Variants in SPOCK1 observed in about 807,000 individuals in gnomAD.
The protein encoded by SPOCK1 is testican-1.
Under a neutral mutation model 55.3 loss-of-function variants are expected in SPOCK1, and 23 were observed. The ratio of observed to expected loss-of-function variants is 0.42; its 90% CI spans 0.30 to 0.59. The LOEUF (loss-of-function observed/expected upper bound fraction) is 0.59. SPOCK1 is among the 20% of genes least tolerant of loss of function. The probability of loss-of-function intolerance (pLI) is 0.22; values close to 1 mark genes in which losing one functional copy is unlikely to be tolerated. For synonymous variants in SPOCK1, 226 were observed against 221.0 expected (o/e 1.02, Z -0.20); for missense variants, 499 against 552.5 (o/e 0.90, Z 0.97).
At chr5:137,308,169 T>C (rs1757730835) in intron 2 of SPOCK1, among the ~76,000 whole-genome samples, 1 of 152,202 alleles carries the variant, frequency 6.6e-6, no homozygotes, top group South Asian at 2.1e-4. Flanking sequence ...CTTCAGCCAG[T>C]GCAGGGCATG....
At chr5:137,379,992 G>C (rs746057300) in intron 2 of SPOCK1, among the ~76,000 whole-genome samples, 11 of 152,174 alleles carry the variant, frequency 7.2e-5, no homozygotes, top group Non-Finnish European at 1.5e-4. Flanking sequence ...GTAAGAATTA[G>C]AATGTCAGGG....
At chr5:137,332,820 T>C (rs1478902193) in intron 2 of SPOCK1, among the ~76,000 whole-genome samples, 2 of 152,136 alleles carry the variant, frequency 1.3e-5, no homozygotes, top group South Asian at 2.1e-4. Context: ...AATGCATATA[T>C]AACAAACGTT....
chr5:137,160,548 TAA>T (rs1491187274), intron 3 of SPOCK1, among the ~76,000 whole-genome samples: 11 of 35,870 alleles, frequency 3.1e-4, no homozygotes, highest in African/African-American at 7.5e-4. Context: ...ATAATATATA[TAA>T]TATATATTAT....
At chr5:137,246,997 A>G (rs1756407827) in intron 3 of SPOCK1, among the ~76,000 whole-genome samples, 1 of 152,126 alleles carries the variant, frequency 6.6e-6, no homozygotes, top group Non-Finnish European at 1.5e-5. Flanking sequence ...ATACCCTCAC[A>G]TGTCTTCAGG....
chr5:137,080,601 T>C (rs1426581953), intron 5 of SPOCK1, among the ~76,000 whole-genome samples: 5 of 150,178 alleles, frequency 3.3e-5, no homozygotes, highest in Non-Finnish European at 7.4e-5. Context: ...GTGGAGATCT[T>C]GGTCTTTTCA....
intron 2 of SPOCK1, among the ~76,000 whole-genome samples, chr5:137,398,250 T>A (rs1049102251): frequency 1.3e-5 from 2 of 152,106 alleles, no homozygotes; most frequent in Non-Finnish European, 2.9e-5. Context: ...ACCATGACAA[T>A]AATTTGTGAC....
At position 136,978,531 on chromosome 5, in the gene SPOCK1, G is replaced by T. The variant is rs974260343; in HGVS notation, c.*123C>A. The T allele has an allele frequency of 1.0e-6, 1 of 992,604 alleles. No homozygotes were observed. The highest frequency in any genetic ancestry group is 1.4e-6 in the Non-Finnish European group (1 of 698,638). The allele number at this position is 992,604 out of a possible 1,614,324, so 61.5% of individuals were successfully genotyped here. A position where few individuals can be genotyped will look rare whatever the true frequency, so the allele number is the denominator to read the frequency against. ...ACAAGCAGTTGTCTTCCAAACCTTA[G>T]GTCGGGTATAGAGAGCAACAATGGA... is the stretch of plus-strand genomic sequence containing the variant. On this transcript the variant is annotated 3_prime_UTR_variant, in exon 11 of 11. Transcript: ENST00000394945.
intron 3 of SPOCK1, among the ~76,000 whole-genome samples, chr5:137,225,950 G>A (rs1026657861): frequency 8.5e-5 from 13 of 152,154 alleles, no homozygotes; most frequent in African/African-American, 2.2e-4. Context: ...GAAATGGTGC[G>A]GGCAGCCTTC....
chr5:137,040,233 A>G (rs1408300797), intron 6 of SPOCK1, among the ~76,000 whole-genome samples: 2 of 152,224 alleles, frequency 1.3e-5, no homozygotes, highest in African/African-American at 2.4e-5. Context: ...CAATCCGAAG[A>G]GGTGGGAAGG....
At chr5:137,034,533 A>G (rs933298447) in intron 6 of SPOCK1, among the ~76,000 whole-genome samples, 6 of 152,222 alleles carry the variant, frequency 3.9e-5, no homozygotes, top group Admixed American at 2.6e-4. Context: ...CAAGCCCTAT[A>G]TAAAATATTT....
chr5:137,199,282 G>A (rs1755364859), intron 3 of SPOCK1, among the ~76,000 whole-genome samples: 1 of 152,170 alleles, frequency 6.6e-6, no homozygotes. Context: ...GCATCAGTCT[G>A]ACACATGCCT....
intron 4 of SPOCK1, among the ~76,000 whole-genome samples, chr5:137,114,969 G>C (rs1753548951): frequency 6.6e-6 from 1 of 152,246 alleles, no homozygotes; most frequent in Non-Finnish European, 1.5e-5. Context: ...AAAGTCAAGG[G>C]AGGGAGACGT....
At chr5:137,192,136 G>A (rs1014180624) in intron 3 of SPOCK1, among the ~76,000 whole-genome samples, 4 of 150,500 alleles carry the variant, frequency 2.7e-5, no homozygotes, top group Non-Finnish European at 5.9e-5. Context: ...TACTCGGGAG[G>A]CTGAGGCAGG....
intron 3 of SPOCK1, among the ~76,000 whole-genome samples, chr5:137,161,239 T>C (rs776410332): frequency 1.2e-4 from 18 of 151,564 alleles, no homozygotes; most frequent in Non-Finnish European, 2.5e-4. Flanking sequence ...AGTAGTTACA[T>C]GAGGCAAGAA....
At chr5:137,209,391 C>G (rs181248472) in intron 3 of SPOCK1, among the ~76,000 whole-genome samples, 6 of 152,172 alleles carry the variant, frequency 3.9e-5, no homozygotes, top group Non-Finnish European at 7.3e-5. Context: ...TGCTTGTAAG[C>G]GCAAGTAGAT....
chr5:137,167,987 T>A (rs1051320573), intron 3 of SPOCK1, among the ~76,000 whole-genome samples: 1 of 151,810 alleles, frequency 6.6e-6, no homozygotes, highest in South Asian at 2.1e-4. Flanking sequence ...AGAGCATAAA[T>A]AAATGAAATT....
rs185213234 is a variant in SPOCK1 at position 137,412,353 on chromosome 5, A to C, written c.186+86020T>G. ...GGCAAGCCTATGGAAGTTGAGCCAC[A>C]GTGAAACATTAGCTGAACTTCCCTT... On this transcript the variant is annotated intron_variant, in intron 2 of 10. Coordinates refer to ENST00000394945, the MANE Select transcript of SPOCK1 (RefSeq NM_004598.4). Among the ~76,000 whole-genome samples the C allele has an allele frequency of 1.4e-3, 220 of 152,342 alleles. 1 individual carries two copies. Among genetic ancestry groups the C allele is most frequent in the South Asian group, 1.2e-3 (6 of 4,830 alleles).
chr5:137,130,360 G>A (rs965409201), intron 4 of SPOCK1, among the ~76,000 whole-genome samples: 19 of 152,120 alleles, frequency 1.2e-4, no homozygotes, highest in Non-Finnish European at 2.1e-4. Flanking sequence ...ACAGTGTCTG[G>A]CAAATGGAAG....
chr5:137,385,561 C>T (rs992882209), intron 2 of SPOCK1, among the ~76,000 whole-genome samples: 3 of 152,134 alleles, frequency 2.0e-5, no homozygotes, highest in Non-Finnish European at 4.4e-5. Context: ...AAATAAATGT[C>T]TAATAACTAA....
Sources: allele counts gnomAD v4.1 joint callset (sites outside exome capture counted in the v4.1 genomes callset), GRCh38; gene constraint gnomAD v4.1.1; transcripts MANE v1.5; gene names NCBI Gene and HGNC (gene_info 2026-07-23, HGNC 2026-07-21).